ANXA3: variants seen among roughly 807,000 people sequenced by gnomAD.
The protein encoded by ANXA3 is 35-alpha calcimedin.
A neutral mutation model predicts 48.8 loss-of-function variants in ANXA3; 46 were observed. The observed-to-expected ratio is 0.94, with a 90% confidence interval of 0.74 to 1.21. The LOEUF (loss-of-function observed/expected upper bound fraction) is 1.21. ANXA3 is among the 50% of genes most tolerant of loss of function. The pLI, the probability that ANXA3 is intolerant of heterozygous loss-of-function variation, is 0.00. For missense variants in ANXA3, 383 were observed against 378.6 expected (o/e 1.01, Z -0.10); for synonymous variants, 128 against 134.7 (o/e 0.95, Z 0.35).
chr4:78,585,674 T>C (rs1723159086), intron 5 of ANXA3, among the ~76,000 whole-genome samples: 1 of 152,250 alleles, frequency 6.6e-6, no homozygotes, highest in South Asian at 2.1e-4. Context: ...ATTCAGTCTC[T>C]GTTCATATGC....
chr4:78,598,179 C>CCACACACACA (rs57634883), intron 10 of ANXA3, among the ~76,000 whole-genome samples: 1,619 of 144,744 alleles, frequency 0.011, 33 homozygotes, highest in African/African-American at 0.038. Context: ...ATTAAAAAAA[C>CCACACACACA]CACACACACA....
At chr4:78,583,104 C>T (rs1360485773) in intron 5 of ANXA3, among the ~76,000 whole-genome samples, 1 of 152,038 alleles carries the variant, frequency 6.6e-6, no homozygotes, top group East Asian at 1.9e-4. Context: ...TTTGGGAGGC[C>T]AAGGTAGGTA....
At chr4:78,593,116 CACACA>C (rs1723335729) in intron 7 of ANXA3, among the ~76,000 whole-genome samples, 1 of 102,976 alleles carries the variant, frequency 9.7e-6, no homozygotes, top group African/African-American at 6.6e-5. Context: ...ACACATACCA[CACACA>C]CACACACACA....
intron 10 of ANXA3, among the ~76,000 whole-genome samples, chr4:78,599,022 C>T (rs1723484825): frequency 6.6e-6 from 1 of 152,146 alleles, no homozygotes; most frequent in Admixed American, 6.5e-5. Context: ...ATTATTTTAT[C>T]ATGTAAAAAA....
intron 2 of ANXA3, among the ~76,000 whole-genome samples, chr4:78,572,538 T>G (rs1374985127): frequency 6.6e-6 from 1 of 152,102 alleles, no homozygotes; most frequent in Non-Finnish European, 1.5e-5. Context: ...GGAAGGGGCA[T>G]GCTGATTGGT....
chr4:78,604,484 T>A (rs935465832), intron 12 of ANXA3, 85 bp downstream of exon 12: 1 of 1,173,234 alleles, frequency 8.5e-7, no homozygotes, highest in Non-Finnish European at 1.2e-6. Context: ...AATATAAAGA[T>A]ATTTGACTTA....
intron 2 of ANXA3, among the ~76,000 whole-genome samples, chr4:78,566,181 T>C (rs921584116): frequency 6.6e-6 from 1 of 152,122 alleles, no homozygotes; most frequent in Non-Finnish European, 1.5e-5. Flanking sequence ...AGGCTTCTTA[T>C]TATAACTCAT....
intron 2 of ANXA3, among the ~76,000 whole-genome samples, chr4:78,560,262 A>G (rs988148256): frequency 1.3e-5 from 2 of 152,222 alleles, no homozygotes; most frequent in Non-Finnish European, 2.9e-5. Context: ...AGTCCTCTGC[A>G]AAACTGCCCT....
chr4:78,595,887 A>T lies in ANXA3; in HGVS notation c.634A>T (p.Thr212Ser). 1 of 1,576,082 alleles carries T rather than the reference A, an allele frequency of 6.3e-7. No individual in the cohort carries two copies. Among genetic ancestry groups the T allele is most frequent in the Non-Finnish European group, 8.7e-7 (1 of 1,145,698 alleles). ...CLRSFPQLKL[T>S]FDEYRNISQK... ...AAGGAGCTTTCCTCAATTAAAACTAAGTACAAACTCACATTACAATCCTTT... is the reference window on the plus strand; with the variant it reads ...AAGGAGCTTTCCTCAATTAAAACTATGTACAAACTCACATTACAATCCTTT... Residue 212 changes from threonine (T) to serine (S), a missense_variant and splice_region_variant, in exon 9 of 13, where the codon ACA becomes TCA. Physicochemically the swap from Thr to Ser is moderately conservative, Grantham distance 58. Transcript: ENST00000264908.
Position 78,581,460 on chromosome 4 carries a change from A to G in ANXA3, c.199-717A>G, listed in dbSNP as rs962208339. The stretch of plus-strand genomic sequence containing the variant: ...TGTAGGATAACTATAGTTAACAATA[A>G]TATAGTTTCAAATAGCTAGAAGGAG... On this transcript the variant is annotated intron_variant, in intron 4 of 12. Coordinates refer to ENST00000264908, the MANE Select transcript of ANXA3 (RefSeq NM_005139.3). Among the ~76,000 whole-genome samples the G allele has an allele frequency of 2.3e-4, 35 of 152,198 alleles. 1 individual carries two copies. Among genetic ancestry groups the G allele is most frequent in the African/African-American group, 1.2e-4 (5 of 41,440 alleles).
intron 5 of ANXA3, among the ~76,000 whole-genome samples, chr4:78,585,320 G>C (rs750271986): frequency 6.6e-6 from 1 of 152,162 alleles, no homozygotes; most frequent in Non-Finnish European, 1.5e-5. Flanking sequence ...CTTCTATCTT[G>C]AGGCTCTGCC....
chr4:78,601,337 G>A lies in ANXA3; in HGVS notation c.731-173G>A, dbSNP rs1466407458. The stretch of plus-strand genomic sequence containing the variant: ...TTCTGTGCAAATATGGTATTAAAAG[G>A]CTATGAAAATCAGGGTAAGCAGCCT... On this transcript the variant is annotated intron_variant, in intron 10 of 12. Transcript: ENST00000264908. 2.0e-5 allele frequency among the ~76,000 whole-genome samples: 3 copies of A among 152,164 alleles called. 1 individual carries two copies. The highest frequency in any genetic ancestry group is 4.1e-4 in the South Asian group (2 of 4,828).
At chr4:78,602,414 G>A (rs1362346609) in intron 11 of ANXA3, 3 of 152,064 alleles carry the variant, frequency 2.0e-5, no homozygotes, top group Non-Finnish European at 2.9e-5. Flanking sequence ...GAGAAGTATT[G>A]ACCACATTAT....
At chr4:78,599,636 A>G (rs1462459152) in intron 10 of ANXA3, among the ~76,000 whole-genome samples, 5 of 152,312 alleles carry the variant, frequency 3.3e-5, no homozygotes, top group Non-Finnish European at 1.5e-5. Context: ...CCTTTAGGCC[A>G]GGAGTTCAAG....
intron 7 of ANXA3, among the ~76,000 whole-genome samples, chr4:78,593,493 C>T (rs557623913): frequency 2.1e-4 from 32 of 150,926 alleles, no homozygotes; most frequent in East Asian, 3.9e-4. Context: ...TGAGCCACTG[C>T]GCCCCGCCTT....
At chr4:78,603,558 C>T (rs532445483) in intron 11 of ANXA3, 1 of 152,178 alleles carries the variant, frequency 6.6e-6, no homozygotes, top group African/African-American at 2.4e-5. Context: ...AGTCTTAACT[C>T]CCTTATCTTC....
chr4:78,581,341 G>A (rs1191568532), intron 4 of ANXA3, among the ~76,000 whole-genome samples: 1 of 152,134 alleles, frequency 6.6e-6, no homozygotes, highest in African/African-American at 2.4e-5. Context: ...CTTTAAGCAG[G>A]GGAGATGGAC....
intron 7 of ANXA3, among the ~76,000 whole-genome samples, chr4:78,593,872 A>G (rs1295903882): frequency 8.2e-6 from 1 of 121,298 alleles, no homozygotes; most frequent in Non-Finnish European, 1.7e-5. Context: ...TAGTATGTGT[A>G]TTTATTATAA....
At chr4:78,609,923 GTA>G (rs1723723475) in intron 12 of ANXA3, 131 bp from the exon 13 acceptor site, 1 of 470,164 alleles carries the variant, frequency 2.1e-6, no homozygotes, top group Non-Finnish European at 3.8e-6. Context: ...GGAATTGCAG[GTA>G]TGTTTTACTA....
Sources: gnomAD v4.1 joint callset for allele counts (sites outside exome capture counted in the v4.1 genomes callset) on GRCh38, gnomAD v4.1.1 for gene constraint, MANE v1.5 for transcripts, NCBI Gene and HGNC (gene_info 2026-07-23, HGNC 2026-07-21) for gene names.